Variants in ANO6 observed in about 807,000 individuals in gnomAD.
The protein encoded by ANO6 is anoctamin-6.
A neutral mutation model predicts 117.5 loss-of-function variants in ANO6; 106 were observed. The observed-to-expected ratio is 0.90, with a 90% CI of 0.77 to 1.06. ANO6 has a LOEUF of 1.06. Ranked by LOEUF, ANO6 falls within the 50% of genes least tolerant of loss-of-function variation. The probability of loss-of-function intolerance (pLI) is 0.00; values close to 1 mark genes in which losing one functional copy is unlikely to be tolerated. For missense variants in ANO6, 955 were observed against 1,121.1 expected (o/e 0.85, Z 2.12); for synonymous variants, 367 against 385.1 (o/e 0.95, Z 0.55).
chr12:45,255,782 T>G (rs1937793439), intron 1 of ANO6, among the ~76,000 whole-genome samples: 1 of 149,340 alleles, frequency 6.7e-6, no homozygotes, highest in African/African-American at 2.5e-5. Context: ...ATCATACATC[T>G]CCATCTCCAT....
At chr12:45,355,711 A>C (rs1273906200) in intron 7 of ANO6, among the ~76,000 whole-genome samples, 1 of 152,076 alleles carries the variant, frequency 6.6e-6, no homozygotes, top group Non-Finnish European at 1.5e-5. Context: ...TTCCACCCTC[A>C]GGTCTGTCTC....
At chr12:45,310,997 C>T (rs1322275680) in intron 2 of ANO6, among the ~76,000 whole-genome samples, 1 of 151,834 alleles carries the variant, frequency 6.6e-6, no homozygotes, top group Non-Finnish European at 1.5e-5. Flanking sequence ...TAAGTCATCC[C>T]AAACTGAATA....
chr12:45,428,760 A>G (rs1476198169), intron 19 of ANO6, among the ~76,000 whole-genome samples: 1 of 152,266 alleles, frequency 6.6e-6, no homozygotes, highest in Non-Finnish European at 1.5e-5. Context: ...GTGCAAGGCC[A>G]TTAGAAAAAG....
At chr12:45,386,005 C>G (rs934945506) in intron 10 of ANO6, among the ~76,000 whole-genome samples, 22 of 152,294 alleles carry the variant, frequency 1.4e-4, no homozygotes, top group Admixed American at 3.3e-4. Context: ...CATTCTGGCT[C>G]TCTTCACTCT....
chr12:45,388,367 G>A (rs1434865553), intron 11 of ANO6, 64 bp downstream of exon 11: 11 of 1,596,018 alleles, frequency 6.9e-6, no homozygotes, highest in Admixed American at 5.0e-5. Flanking sequence ...CTCCTTGGCC[G>A]CACATTAGAA....
At chr12:45,406,573 A>T (rs908148999) in intron 15 of ANO6, among the ~76,000 whole-genome samples, 2 of 152,038 alleles carry the variant, frequency 1.3e-5, no homozygotes, top group African/African-American at 4.8e-5. Context: ...TTCTTATATA[A>T]ATAAGTATAC....
At chr12:45,260,083 A>G (rs774504849) in intron 1 of ANO6, among the ~76,000 whole-genome samples, 1 of 152,214 alleles carries the variant, frequency 6.6e-6, no homozygotes, top group Non-Finnish European at 1.5e-5. Flanking sequence ...AGAATTGTTG[A>G]TAATTCTTTT....
intron 9 of ANO6, among the ~76,000 whole-genome samples, chr12:45,372,402 A>C (rs1333559950): frequency 7.0e-5 from 10 of 142,440 alleles, no homozygotes; most frequent in African/African-American, 2.7e-4. Flanking sequence ...TCCAAGACAC[A>C]TAATTGTCAG....
chr12:45,377,243 C>A lies in ANO6; in HGVS notation c.1105-810C>A, dbSNP rs568136488. Among the ~76,000 whole-genome samples, 12 of 150,744 alleles carry A rather than the reference C, an allele frequency of 8.0e-5. No individual in the cohort carries two copies. The East Asian group carries it at 2.3e-3, about 29-fold the overall frequency. On this transcript the variant is annotated intron_variant, in intron 9 of 19. Transcript: ENST00000320560. ...ATATGCTTGTCACTTTTTCCATTAT[C>A]TTTATAGTAATTTTTAGGAAATGTA...
intron 1 of ANO6, among the ~76,000 whole-genome samples, chr12:45,275,875 T>C (rs1260435483): frequency 6.6e-6 from 1 of 152,214 alleles, no homozygotes; most frequent in Non-Finnish European, 1.5e-5. Context: ...CTCTTCTGTC[T>C]ACATGCTCAT....
At chr12:45,342,624 G>A (rs1463995904) in intron 3 of ANO6, among the ~76,000 whole-genome samples, 1 of 152,170 alleles carries the variant, frequency 6.6e-6, no homozygotes, top group Non-Finnish European at 1.5e-5. Context: ...CTGCACTGCA[G>A]CCATTTACAC....
chr12:45,320,495 A>G (rs548187568), intron 2 of ANO6, among the ~76,000 whole-genome samples: 1 of 151,844 alleles, frequency 6.6e-6, no homozygotes, highest in Non-Finnish European at 1.5e-5. Context: ...AGTTTGTTAT[A>G]ATTTCTGTTC....
chr12:45,228,292 T>C (rs981943741), intron 1 of ANO6: 3 of 91,282 alleles, frequency 3.3e-5, no homozygotes, highest in South Asian at 2.6e-4. Context: ...CAGGCCCTCC[T>C]TTTTTTTTTT....
chr12:45,261,196 C>T (rs1326599939), intron 1 of ANO6, among the ~76,000 whole-genome samples: 1 of 152,144 alleles, frequency 6.6e-6, no homozygotes, highest in Non-Finnish European at 1.5e-5. Flanking sequence ...GAATATTTTC[C>T]AGTTATTGAG....
In ANO6 at chr12:45,402,140, G is replaced by A; in HGVS notation, c.1612+120G>A. On this transcript the variant is annotated intron_variant, in intron 13 of 19. Coordinates refer to ENST00000320560, the MANE Select transcript of ANO6 (RefSeq NM_001025356.3). ...GGTTACAATTTTTAGAAATTTTCAA[G>A]TGTAAACATATTTTCTCTAGCATGT... 3 of 820,966 alleles carry A rather than the reference G, an allele frequency of 3.7e-6. No homozygotes were observed. In the South Asian group the frequency reaches 4.8e-5, roughly 13 times the overall value. The allele number at this position is 820,966 out of a possible 1,614,324, so 50.9% of individuals were successfully genotyped here.
In ANO6 at chr12:45,306,433, A is replaced by G. The variant is rs76822855; in HGVS notation, c.150+4340A>G. Among the ~76,000 whole-genome samples, 930 of 152,306 alleles carry G rather than the reference A, an allele frequency of 6.1e-3. 13 individuals carry two copies. Among genetic ancestry groups the G allele is most frequent in the African/African-American group, 0.021 (884 of 41,574 alleles). The stretch of plus-strand genomic sequence containing the variant: ...ATTTAGAAAGGCTAAATAGAAAAAT[A>G]GGCTCAGGAAGATGAAGATTAAAGG... On this transcript the variant is annotated intron_variant, in intron 2 of 19. Coordinates refer to ENST00000320560, the MANE Select transcript of ANO6 (RefSeq NM_001025356.3).
At position 45,299,907 on chromosome 12, in the gene ANO6, TAGTG is replaced by T. The variant is rs1227146250; in HGVS notation, c.71-2104_71-2101del. 2.6e-5 allele frequency among the ~76,000 whole-genome samples: 4 copies of T among 152,238 alleles called. No individual in the cohort carries two copies. The East Asian group carries it at 5.8e-4, about 22-fold the overall frequency. ...TGAATCCAAATATTAGGAGATTTCT[TAGTG>T]AGGTGCCAAACCTAAGTATTTGGTA... is the stretch of plus-strand genomic sequence containing the variant. On this transcript the variant is annotated intron_variant, in intron 1 of 19. Transcript: ENST00000320560.
intron 2 of ANO6, chr12:45,313,249 C>T (rs1224030714): frequency 6.6e-6 from 1 of 151,932 alleles, no homozygotes; most frequent in Non-Finnish European, 1.5e-5. Context: ...AAGATGGACT[C>T]CAGGGAATTA....
intron 1 of ANO6, among the ~76,000 whole-genome samples, chr12:45,230,695 ATATC>A (rs1353401854): frequency 2.0e-5 from 3 of 152,134 alleles, no homozygotes; most frequent in Admixed American, 6.5e-5. Context: ...ACTAAAGAAA[ATATC>A]TATGGAATAA....
Sources: gnomAD v4.1 joint callset for allele counts (sites outside exome capture counted in the v4.1 genomes callset) on GRCh38, gnomAD v4.1.1 for gene constraint, MANE v1.5 for transcripts, NCBI Gene and HGNC (gene_info 2026-07-23, HGNC 2026-07-21) for gene names.